KCNC2: variants seen among roughly 807,000 people sequenced by gnomAD.
KCNC2 encodes potassium voltage-gated channel subfamily C member 2, also known as voltage-gated potassium channel KCNC2.
A neutral mutation model predicts 44.5 loss-of-function variants in KCNC2; 21 were observed. That is an observed-to-expected ratio of 0.47 (90% CI 0.33 to 0.68). The LOEUF is 0.68. Ranked by LOEUF, KCNC2 falls within the 30% of genes least tolerant of loss-of-function variation. The probability of loss-of-function intolerance (pLI) is 0.01; values close to 1 mark genes in which losing one functional copy is unlikely to be tolerated. For synonymous variants in KCNC2, 391 were observed against 339.1 expected (o/e 1.15, Z -1.68); for missense variants, 589 against 826.2 (o/e 0.71, Z 3.52).
chr12:75,202,865 T>A (rs2031397227), intron 2 of KCNC2, among the ~76,000 whole-genome samples: 1 of 151,634 alleles, frequency 6.6e-6, no homozygotes, highest in Admixed American at 6.6e-5. Flanking sequence ...TGTTTTTTTT[T>A]AATTTAATAG....
At chr12:75,131,952 T>C (rs1888878351) in intron 2 of KCNC2, among the ~76,000 whole-genome samples, 1 of 152,186 alleles carries the variant, frequency 6.6e-6, no homozygotes, top group Admixed American at 6.5e-5. Context: ...GGATGTTATT[T>C]TAAACCACGA....
intron 2 of KCNC2, among the ~76,000 whole-genome samples, chr12:75,172,222 G>T (rs1891877050): frequency 6.6e-6 from 1 of 151,742 alleles, no homozygotes; most frequent in African/African-American, 2.4e-5. Context: ...ACCAACGCAG[G>T]AACAGAAAAC....
At chr12:75,087,766 T>G (rs956843366) in intron 2 of KCNC2, among the ~76,000 whole-genome samples, 1 of 152,044 alleles carries the variant, frequency 6.6e-6, no homozygotes, top group African/African-American at 2.4e-5. Flanking sequence ...CCTGAGAACA[T>G]GAGCACAGGC....
At chr12:75,092,862 T>C (rs1885602064) in intron 2 of KCNC2, among the ~76,000 whole-genome samples, 1 of 151,612 alleles carries the variant, frequency 6.6e-6, no homozygotes. Flanking sequence ...TTGCTGAAAA[T>C]TAAGCCTAAT....
chr12:75,188,003 G>T (rs2029870010), intron 2 of KCNC2, among the ~76,000 whole-genome samples: 1 of 152,146 alleles, frequency 6.6e-6, no homozygotes, highest in Admixed American at 6.5e-5. Context: ...AATAGAAGTT[G>T]TATAAGCAAC....
At chr12:75,190,339 A>G (rs2030075015) in intron 2 of KCNC2, among the ~76,000 whole-genome samples, 1 of 151,760 alleles carries the variant, frequency 6.6e-6, no homozygotes, top group Admixed American at 6.6e-5. Context: ...ACTAATTTCT[A>G]TTTCTTAAAC....
chr12:75,129,128 C>T (rs1435687742), intron 2 of KCNC2, among the ~76,000 whole-genome samples: 1 of 152,190 alleles, frequency 6.6e-6, no homozygotes, highest in Non-Finnish European at 1.5e-5. Context: ...TCCCTAACTC[C>T]TCTCAAGCTA....
chr12:75,156,391 T>G (rs1438539250), intron 2 of KCNC2, among the ~76,000 whole-genome samples: 1 of 151,812 alleles, frequency 6.6e-6, no homozygotes, highest in Non-Finnish European at 1.5e-5. Context: ...AAATAAAGTT[T>G]TATTGGTTTG....
rs549318868 is a variant in KCNC2 at position 75,042,222 on chromosome 12, G to C, written c.*883C>G. On this transcript the variant is annotated 3_prime_UTR_variant, in exon 5 of 5. Transcript: ENST00000549446. ...ACCCTGGGTATTTTTTTTTTTTAAA[G>C]AGTCTAGAACCAAGCAGCAATTTCT... 1 of 1,401,142 alleles carries C rather than the reference G, an allele frequency of 7.1e-7. No homozygotes were observed. The highest frequency in any genetic ancestry group is 1.9e-4 in the Middle Eastern group (1 of 5,232). 86.8% of individuals were successfully genotyped at this position (1,401,142 alleles called of 1,614,324 possible).
intron 2 of KCNC2, among the ~76,000 whole-genome samples, chr12:75,144,120 T>G (rs1290274917): frequency 6.6e-6 from 1 of 152,176 alleles, no homozygotes; most frequent in Non-Finnish European, 1.5e-5. Flanking sequence ...CCAGTTTTAT[T>G]GTACAAAGAT....
At chr12:75,191,532 T>TTA (rs2030245102) in intron 2 of KCNC2, among the ~76,000 whole-genome samples, 1 of 25,230 alleles carries the variant, frequency 4.0e-5, no homozygotes. Flanking sequence ...TTATTATTTT[T>TTA]TTTTTTTTTT....
intron 2 of KCNC2, among the ~76,000 whole-genome samples, chr12:75,053,494 C>T (rs1044087211): frequency 6.6e-6 from 1 of 151,964 alleles, no homozygotes; most frequent in East Asian, 1.9e-4. Flanking sequence ...AGATCTAAGA[C>T]ACAAAACTTT....
intron 2 of KCNC2, among the ~76,000 whole-genome samples, chr12:75,145,525 T>C (rs1443734629): frequency 6.6e-6 from 1 of 152,164 alleles, no homozygotes; most frequent in Non-Finnish European, 1.5e-5. Flanking sequence ...TCAAAGTCTT[T>C]CTACATTTTT....
At chr12:75,051,934 G>A (rs2136948654) in intron 2 of KCNC2, among the ~76,000 whole-genome samples, 1 of 152,132 alleles carries the variant, frequency 6.6e-6, no homozygotes, top group African/African-American at 2.4e-5. Context: ...AAATAAGACT[G>A]AAAGGAGAAA....
At chr12:75,177,205 G>T (rs903316018) in intron 2 of KCNC2, among the ~76,000 whole-genome samples, 11 of 151,510 alleles carry the variant, frequency 7.3e-5, no homozygotes, top group African/African-American at 2.7e-4. Context: ...GAAGATTTAC[G>T]TTAATGAATT....
rs1888670005 is a variant in KCNC2, at chr12:75,129,370, T to C, written c.687+77927A>G. Among the ~76,000 whole-genome samples the C allele has an allele frequency of 2.0e-5, 3 of 152,198 alleles. No individual in the cohort carries two copies. The South Asian group carries it at 6.2e-4, about 31-fold the overall frequency. On this transcript the variant is annotated intron_variant, in intron 2 of 4. Coordinates refer to ENST00000549446, the MANE Select transcript of KCNC2 (RefSeq NM_139137.4). ...CATCCAGTGATTTATATTTTATGGA[T>C]AAAATGGCTTTTATTGAGCTCGTAA...
intron 2 of KCNC2, among the ~76,000 whole-genome samples, chr12:75,165,238 T>A (rs1891370242): frequency 6.6e-6 from 1 of 151,564 alleles, no homozygotes; most frequent in Non-Finnish European, 1.5e-5. Flanking sequence ...TAACTTTATG[T>A]AAATACATAA....
intron 2 of KCNC2, among the ~76,000 whole-genome samples, chr12:75,079,874 C>A (rs1884327584): frequency 6.6e-6 from 1 of 152,068 alleles, no homozygotes; most frequent in African/African-American, 2.4e-5. Flanking sequence ...AAAACATTAT[C>A]TTCATGGATA....
At chr12:75,054,822 C>T (rs1881566486) in intron 2 of KCNC2, among the ~76,000 whole-genome samples, 1 of 152,170 alleles carries the variant, frequency 6.6e-6, no homozygotes, top group Admixed American at 6.6e-5. Flanking sequence ...TAGCAATTTA[C>T]TTCAAGTATC....
Sources: gnomAD v4.1 joint callset for allele counts (sites outside exome capture counted in the v4.1 genomes callset) on GRCh38, gnomAD v4.1.1 for gene constraint, MANE v1.5 for transcripts, NCBI Gene and HGNC (gene_info 2026-07-23, HGNC 2026-07-21) for gene names.